GPC5: variants seen among roughly 807,000 people sequenced by gnomAD.
GPC5 encodes glypican-5.
GPC5 carries 47 observed loss-of-function variants against 53.9 expected under a neutral mutation model. That is an observed-to-expected ratio of 0.87 (90% CI 0.69 to 1.11). GPC5 has a LOEUF of 1.11. Ranked by LOEUF, GPC5 falls within the 50% of genes most tolerant of loss-of-function variation. The probability of loss-of-function intolerance (pLI) is 0.00; values close to 1 mark genes in which losing one functional copy is unlikely to be tolerated. For missense variants in GPC5, 748 were observed against 713.1 expected, an observed-to-expected ratio of 1.05 and a Z score of -0.56; for synonymous variants, 286 against 263.3, an observed-to-expected ratio of 1.09 and a Z score of -0.84.
intron 7 of GPC5, among the ~76,000 whole-genome samples, chr13:92,557,482 C>T (rs189688773): frequency 1.3e-5 from 2 of 152,028 alleles, no homozygotes; most frequent in East Asian, 3.9e-4. Context: ...AAAACATAAA[C>T]ACCTTGTGTA....
At chr13:91,625,670 G>T (rs770614967) in intron 2 of GPC5, among the ~76,000 whole-genome samples, 1 of 152,010 alleles carries the variant, frequency 6.6e-6, no homozygotes, top group Non-Finnish European at 1.5e-5. Flanking sequence ...AACAAGCCTA[G>T]TGTGAAAAAG....
intron 7 of GPC5, among the ~76,000 whole-genome samples, chr13:92,180,357 A>G (rs1433515512): frequency 6.6e-6 from 1 of 152,252 alleles, no homozygotes; most frequent in Non-Finnish European, 1.5e-5. Flanking sequence ...ATAAAACAAA[A>G]GAAAATTGGA....
intron 6 of GPC5, among the ~76,000 whole-genome samples, chr13:92,092,544 AATT>A (rs2041389313): frequency 6.6e-6 from 1 of 152,178 alleles, no homozygotes; most frequent in African/African-American, 2.4e-5. Flanking sequence ...TCACTAATAA[AATT>A]ATATTTGGAA....
At chr13:92,625,956 C>G (rs1413107973) in intron 7 of GPC5, among the ~76,000 whole-genome samples, 2 of 152,160 alleles carry the variant, frequency 1.3e-5, no homozygotes, top group African/African-American at 4.8e-5. Flanking sequence ...TTTTCAGGAG[C>G]CTGTGACAGC....
chr13:92,805,664 C>T (rs1283277747), intron 7 of GPC5, among the ~76,000 whole-genome samples: 4 of 151,906 alleles, frequency 2.6e-5, no homozygotes, highest in African/African-American at 9.7e-5. Context: ...TCTCAAACTC[C>T]TGGGTTCAAG....
chr13:92,404,638 A>G (rs1875714286), intron 7 of GPC5, among the ~76,000 whole-genome samples: 1 of 131,544 alleles, frequency 7.6e-6, no homozygotes, highest in Non-Finnish European at 1.7e-5. Context: ...GAAATGGTTT[A>G]CATTCTTATT....
chr13:91,882,670 G>GTTTTTTTTTTTTTTTTTTTTTTGGTT, intron 5 of GPC5, among the ~76,000 whole-genome samples: 3 of 59,318 alleles, frequency 5.1e-5, no homozygotes, highest in Non-Finnish European at 9.1e-5. Flanking sequence ...TGTTTTTTGG[G>GTTTTTTTTTTTTTTTTTTTTTTGGTT]TTTTTTTTTT....
intron 7 of GPC5, among the ~76,000 whole-genome samples, chr13:92,202,721 G>A (rs1180943942): frequency 6.6e-6 from 1 of 152,168 alleles, no homozygotes; most frequent in African/African-American, 2.4e-5. Flanking sequence ...TAGGGTCTGA[G>A]AACCTGAAGG....
intron 5 of GPC5, among the ~76,000 whole-genome samples, chr13:91,832,158 A>G (rs1160139363): frequency 1.3e-5 from 2 of 152,064 alleles, no homozygotes; most frequent in Middle Eastern, 3.4e-3. Context: ...TTGGGTGCAT[A>G]TATATTTAGG....
chr13:92,663,539 C>A (rs931855417), intron 7 of GPC5, among the ~76,000 whole-genome samples: 8 of 146,648 alleles, frequency 5.5e-5, no homozygotes, highest in Admixed American at 6.9e-5. Flanking sequence ...GAGTTCGAGA[C>A]CAGCCTGTCC....
intron 7 of GPC5, among the ~76,000 whole-genome samples, chr13:92,813,605 G>A (rs1262793773): frequency 1.3e-5 from 2 of 151,936 alleles, no homozygotes; most frequent in African/African-American, 4.8e-5. Flanking sequence ...ATGTGTTTGG[G>A]AATATGAAAG....
intron 7 of GPC5, among the ~76,000 whole-genome samples, chr13:92,790,634 G>C (rs71427600): frequency 0.01 from 1,589 of 152,176 alleles, 16 homozygotes; most frequent in Non-Finnish European, 0.015. Flanking sequence ...AAAGGAGATG[G>C]AATACTTTTC....
chr13:92,406,424 T>G (rs1355622240), intron 7 of GPC5, among the ~76,000 whole-genome samples: 4 of 152,176 alleles, frequency 2.6e-5, no homozygotes, highest in Non-Finnish European at 5.9e-5. Context: ...AATGAGAAAT[T>G]TTCTTCCACT....
intron 7 of GPC5, among the ~76,000 whole-genome samples, chr13:92,480,852 G>C (rs1879322011): frequency 6.6e-6 from 1 of 152,138 alleles, no homozygotes; most frequent in Non-Finnish European, 1.5e-5. Context: ...AGAGTTGAGT[G>C]AGCCAGGAGA....
intron 7 of GPC5, among the ~76,000 whole-genome samples, chr13:92,208,480 T>G (rs1193757378): frequency 6.6e-6 from 1 of 152,252 alleles, no homozygotes; most frequent in Non-Finnish European, 1.5e-5. Context: ...AGGATACTGT[T>G]CATTCATCTT....
chr13:91,500,574 G>T (rs1268677997), intron 2 of GPC5, among the ~76,000 whole-genome samples: 1 of 152,130 alleles, frequency 6.6e-6, no homozygotes, highest in East Asian at 1.9e-4. Context: ...ATTTCCTGTT[G>T]GTGCCATTTT....
chr13:92,361,869 T>C (rs2043570249), intron 7 of GPC5, among the ~76,000 whole-genome samples: 1 of 151,630 alleles, frequency 6.6e-6, no homozygotes, highest in Non-Finnish European at 1.5e-5. Flanking sequence ...GGTGTTTCTT[T>C]ACCTGACTGG....
intron 6 of GPC5, among the ~76,000 whole-genome samples, chr13:92,086,097 A>G (rs2041333883): frequency 1.3e-5 from 2 of 152,204 alleles, no homozygotes; most frequent in Non-Finnish European, 1.5e-5. Flanking sequence ...CTTCTGCATT[A>G]AAGGAGTCAC....
chr13:92,143,602 A>G (rs1212575803), intron 6 of GPC5, among the ~76,000 whole-genome samples: 2 of 152,186 alleles, frequency 1.3e-5, no homozygotes, highest in Non-Finnish European at 2.9e-5. Flanking sequence ...ATAAGAATTT[A>G]AAAATTACTG....
Sources: allele counts gnomAD v4.1 joint callset (sites outside exome capture counted in the v4.1 genomes callset), GRCh38; gene constraint gnomAD v4.1.1; transcripts MANE v1.5; gene names NCBI Gene and HGNC (gene_info 2026-07-23, HGNC 2026-07-21).